The following ATP8A1 variants were observed in gnomAD, a reference collection of about 807,000 sequenced individuals.
The protein encoded by ATP8A1 is ATPase phospholipid transporting 8A1.
A neutral mutation model predicts 177.7 loss-of-function variants in ATP8A1; 90 were observed. The ratio of observed to expected loss-of-function variants is 0.51; its 90% CI spans 0.43 to 0.60. The LOEUF (loss-of-function observed/expected upper bound fraction) is 0.60. Among genes scored for constraint, ATP8A1 ranks in the 20% least tolerant of loss-of-function variants. The probability of loss-of-function intolerance (pLI) is 0.00; values close to 1 mark genes in which losing one functional copy is unlikely to be tolerated. For synonymous variants in ATP8A1, 493 were observed against 485.9 expected, an observed-to-expected ratio of 1.01 and a Z score of -0.19; for missense variants, 1,072 against 1,392.8, an observed-to-expected ratio of 0.77 and a Z score of 3.67.
rs1253363985 is a variant in ATP8A1, at chr4:42,599,860, TC to T, written c.450+617del. 2.6e-5 allele frequency among the ~76,000 whole-genome samples: 4 copies of T among 152,180 alleles called. No individual in the cohort carries two copies. The East Asian group carries it at 7.7e-4, about 29-fold the overall frequency. ...TGGATGACTAGATTTTAAACCTTCT[TC>T]CAGAACTAAGGGAGAACTAATAATA... On this transcript the variant is annotated intron_variant, in intron 6 of 36. Transcript: ENST00000381668.
At chr4:42,613,692 T>G (rs1243281805) in intron 5 of ATP8A1, among the ~76,000 whole-genome samples, 1 of 152,152 alleles carries the variant, frequency 6.6e-6, no homozygotes, top group Admixed American at 6.5e-5. Context: ...TGAGCGATTC[T>G]CCTACCTCAG....
At chr4:42,625,756 T>C in intron 2 of ATP8A1, 43 bp from the exon 3 acceptor site, 2 of 1,206,762 alleles carry the variant, frequency 1.7e-6, no homozygotes. Flanking sequence ...TTCTCCATAA[T>C]TAGCACCCAC....
chr4:42,471,096 A>G (rs1382046861), intron 25 of ATP8A1, among the ~76,000 whole-genome samples: 5 of 152,242 alleles, frequency 3.3e-5, no homozygotes, highest in Non-Finnish European at 5.9e-5. Flanking sequence ...AAAAACTACA[A>G]AATATTGTTA....
intron 27 of ATP8A1, among the ~76,000 whole-genome samples, chr4:42,457,623 C>T (rs1479826878): frequency 6.6e-5 from 10 of 152,084 alleles, no homozygotes; most frequent in South Asian, 6.2e-4. Flanking sequence ...TCATCAATAC[C>T]GTACAATGAG....
At position 42,564,826 on chromosome 4, in the gene ATP8A1, C is replaced by T. The variant is rs377575297; in HGVS notation, c.1340+4335G>A. 5.3e-4 allele frequency among the ~76,000 whole-genome samples: 80 copies of T among 151,980 alleles called. 3 individuals carry two copies. The South Asian group carries it at 0.015, about 29-fold the overall frequency. ...TGAGGACATAAGATTTGGGAGGGGC[C>T]GGGGTGGAATGATATGGTTTGGCTG... On this transcript the variant is annotated intron_variant, in intron 15 of 36. Transcript: ENST00000381668.
chr4:42,451,957 T>A (rs111559258), intron 30 of ATP8A1, 24 bp downstream of exon 30: 8 of 1,518,410 alleles, frequency 5.3e-6, no homozygotes, highest in African/African-American at 1.4e-5. Context: ...GTCATCTCTT[T>A]GCATTCATAT....
At chr4:42,498,168 G>C (rs1723472877) in intron 24 of ATP8A1, among the ~76,000 whole-genome samples, 1 of 152,170 alleles carries the variant, frequency 6.6e-6, no homozygotes, top group African/African-American at 2.4e-5. Flanking sequence ...AACAAAACCT[G>C]AAGTAGCCCA....
intron 20 of ATP8A1, among the ~76,000 whole-genome samples, chr4:42,528,590 C>A (rs372546322): frequency 6.6e-6 from 1 of 151,992 alleles, no homozygotes; most frequent in Non-Finnish European, 1.5e-5. Flanking sequence ...GGTATGCAAC[C>A]ACCGACTTGG....
chr4:42,648,384 AAG>A (rs1003936187), intron 1 of ATP8A1, among the ~76,000 whole-genome samples: 2 of 152,040 alleles, frequency 1.3e-5, no homozygotes. Flanking sequence ...GGGGAAGGGA[AAG>A]AGAGACTGAC....
chr4:42,574,165 T>C (rs1321583428), intron 14 of ATP8A1, among the ~76,000 whole-genome samples: 1 of 152,060 alleles, frequency 6.6e-6, no homozygotes, highest in Non-Finnish European at 1.5e-5. Context: ...CTCCTTTCCA[T>C]CATCAGAATT....
intron 4 of ATP8A1, among the ~76,000 whole-genome samples, chr4:42,621,063 A>T (rs1457752570): frequency 6.6e-6 from 1 of 152,230 alleles, no homozygotes; most frequent in Non-Finnish European, 1.5e-5. Flanking sequence ...GAAAGTGACA[A>T]AAGTGTAGTA....
chr4:42,592,220 G>A (rs1378372413), intron 6 of ATP8A1, among the ~76,000 whole-genome samples: 5 of 152,188 alleles, frequency 3.3e-5, no homozygotes, highest in Admixed American at 6.5e-5. Context: ...TAATCTTGGA[G>A]GAAGTTAATC....
chr4:42,447,873 GA>G (rs1717458567), intron 30 of ATP8A1, among the ~76,000 whole-genome samples: 1 of 152,132 alleles, frequency 6.6e-6, no homozygotes, highest in Non-Finnish European at 1.5e-5. Context: ...AAGTGACAAT[GA>G]AGTTCTGTAT....
chr4:42,509,589 G>A (rs894600295), intron 22 of ATP8A1, among the ~76,000 whole-genome samples: 1 of 152,142 alleles, frequency 6.6e-6, no homozygotes, highest in Non-Finnish European at 1.5e-5. Context: ...GGCCAGGCGC[G>A]GTGGCTCATG....
intron 20 of ATP8A1, among the ~76,000 whole-genome samples, chr4:42,541,845 G>A (rs1260510275): frequency 1.3e-5 from 2 of 152,176 alleles, no homozygotes; most frequent in Non-Finnish European, 2.9e-5. Flanking sequence ...GACAGTAAAA[G>A]CAACAGTGGT....
At chr4:42,436,505 T>A (rs1716015504) in intron 33 of ATP8A1, among the ~76,000 whole-genome samples, 1 of 152,216 alleles carries the variant, frequency 6.6e-6, no homozygotes, top group Non-Finnish European at 1.5e-5. Flanking sequence ...CATATATACT[T>A]CTCTTTACAA....
intron 1 of ATP8A1, among the ~76,000 whole-genome samples, 164 bp downstream of exon 1, chr4:42,656,661 C>G (rs369189692): frequency 1.3e-5 from 2 of 152,284 alleles, no homozygotes; most frequent in South Asian, 4.1e-4. Context: ...TGCGAGTACA[C>G]TGGGGGCAGC....
intron 33 of ATP8A1, among the ~76,000 whole-genome samples, chr4:42,435,467 A>ACTATCT (rs1715876868): frequency 6.9e-6 from 1 of 144,606 alleles, no homozygotes; most frequent in Non-Finnish European, 1.5e-5. Context: ...AAAAAAACAA[A>ACTATCT]CTATCTCCAG....
At chr4:42,602,691 C>T (rs1276085783) in intron 5 of ATP8A1, among the ~76,000 whole-genome samples, 4 of 152,096 alleles carry the variant, frequency 2.6e-5, no homozygotes, top group African/African-American at 9.7e-5. Context: ...ATGGCTTGAC[C>T]CCGCGAGGGG....
Sources: gnomAD v4.1 joint callset for allele counts (sites outside exome capture counted in the v4.1 genomes callset) on GRCh38, gnomAD v4.1.1 for gene constraint, MANE v1.5 for transcripts, NCBI Gene and HGNC (gene_info 2026-07-23, HGNC 2026-07-21) for gene names.